Variants in GRID2 observed in about 807,000 individuals in gnomAD.
GRID2 encodes the protein glutamate ionotropic receptor delta type subunit 2, also known as glutamate receptor ionotropic, delta-2.
Under a neutral mutation model 114.8 loss-of-function variants are expected in GRID2, and 33 were observed. The ratio of observed to expected loss-of-function variants is 0.29; its 90% CI spans 0.22 to 0.38. The LOEUF is 0.38. Ranked by LOEUF, GRID2 falls within the 10% of genes least tolerant of loss-of-function variation. GRID2 has a pLI of 1.00. For synonymous variants in GRID2, 505 were observed against 449.9 expected (o/e 1.12, Z -1.55); for missense variants, 1,184 against 1,257.7 (o/e 0.94, Z 0.89).
At chr4:92,547,814 G>A (rs1351105148) in intron 1 of GRID2, among the ~76,000 whole-genome samples, 2 of 151,936 alleles carry the variant, frequency 1.3e-5, no homozygotes, top group Non-Finnish European at 2.9e-5. Flanking sequence ...AAACCTCAAT[G>A]GAAGCAACTG....
chr4:92,653,341 GTGTGTGTT>G (rs895699082), intron 2 of GRID2, among the ~76,000 whole-genome samples: 6 of 150,538 alleles, frequency 4.0e-5, no homozygotes, highest in East Asian at 4.0e-4. Context: ...GTGTGTGTGT[GTGTGTGTT>G]TGTGTGTTTG....
intron 3 of GRID2, among the ~76,000 whole-genome samples, chr4:93,105,576 C>CTATA (rs912061565): frequency 6.6e-6 from 1 of 152,128 alleles, no homozygotes; most frequent in African/African-American, 2.4e-5. Flanking sequence ...TCTCAGTGGG[C>CTATA]TATAATCAGT....
intron 4 of GRID2, among the ~76,000 whole-genome samples, chr4:93,170,494 G>A (rs1738699671): frequency 6.6e-6 from 1 of 152,130 alleles, no homozygotes; most frequent in African/African-American, 2.4e-5. Flanking sequence ...ATCCGGATGT[G>A]TGTTTCATTC....
intron 14 of GRID2, among the ~76,000 whole-genome samples, chr4:93,744,150 T>C (rs1192874131): frequency 6.6e-6 from 1 of 152,208 alleles, no homozygotes; most frequent in African/African-American, 2.4e-5. Context: ...TCATTGGCAA[T>C]GCACCTGGTC....
chr4:92,816,093 A>C (rs1299126072), intron 2 of GRID2, among the ~76,000 whole-genome samples: 1 of 151,638 alleles, frequency 6.6e-6, no homozygotes, highest in Non-Finnish European at 1.5e-5. Flanking sequence ...AGGCAGGTGG[A>C]TCACCTGAGG....
At chr4:92,818,757 G>A (rs1223357760) in intron 2 of GRID2, among the ~76,000 whole-genome samples, 1 of 152,048 alleles carries the variant, frequency 6.6e-6, no homozygotes, top group Non-Finnish European at 1.5e-5. Context: ...AGGCAAACAT[G>A]AAGTTTATAT....
At chr4:93,170,627 A>G (rs1424762862) in intron 4 of GRID2, among the ~76,000 whole-genome samples, 1 of 151,986 alleles carries the variant, frequency 6.6e-6, no homozygotes, top group Non-Finnish European at 1.5e-5. Context: ...TATACATCAA[A>G]CTCTAATGTC....
chr4:93,525,607 A>C (rs1201300579), intron 13 of GRID2, among the ~76,000 whole-genome samples: 1 of 152,214 alleles, frequency 6.6e-6, no homozygotes, highest in Non-Finnish European at 1.5e-5. Context: ...AAATTGTGGA[A>C]ACAGAATTTA....
At chr4:93,432,603 G>A (rs905964938) in intron 10 of GRID2, among the ~76,000 whole-genome samples, 1 of 152,166 alleles carries the variant, frequency 6.6e-6, no homozygotes, top group Non-Finnish European at 1.5e-5. Flanking sequence ...GAGTGAGGGA[G>A]GGAGGGATGA....
chr4:92,463,890 A>C (rs908274863), intron 1 of GRID2, among the ~76,000 whole-genome samples: 1 of 151,888 alleles, frequency 6.6e-6, no homozygotes, highest in African/African-American at 2.4e-5. Context: ...TATCTTGAGA[A>C]TCTTATCTTC....
At chr4:93,341,161 A>C (rs375159052) in intron 8 of GRID2, among the ~76,000 whole-genome samples, 1 of 152,308 alleles carries the variant, frequency 6.6e-6, no homozygotes, top group African/African-American at 2.4e-5. Flanking sequence ...AAGGCATAAC[A>C]TATATAATTT....
rs561594365 is a variant in GRID2, at chr4:92,466,945, C to T, written c.89-123186C>T. ...GGAAAGTAGTTTTTGCCTTATTCCT[C>T]GAATTAACGGTGTAGAGAGACTCAA... On this transcript the variant is annotated intron_variant, in intron 1 of 15. Transcript: ENST00000282020. Among the ~76,000 whole-genome samples, 27 of 151,644 alleles carry T rather than the reference C, an allele frequency of 1.8e-4. No homozygotes were observed. The South Asian group carries it at 5.0e-3, about 28-fold the overall frequency.
At chr4:93,669,631 C>T (rs1455434261) in intron 14 of GRID2, among the ~76,000 whole-genome samples, 1 of 151,982 alleles carries the variant, frequency 6.6e-6, no homozygotes, top group Non-Finnish European at 1.5e-5. Context: ...TATGTGTCTC[C>T]CCATTCCCTT....
At chr4:93,418,490 A>T (rs997099011) in intron 9 of GRID2, among the ~76,000 whole-genome samples, 2 of 152,090 alleles carry the variant, frequency 1.3e-5, no homozygotes, top group Non-Finnish European at 2.9e-5. Flanking sequence ...TTAAAAAAGC[A>T]TTGCCCTTCA....
intron 2 of GRID2, among the ~76,000 whole-genome samples, chr4:93,006,587 G>A (rs915404076): frequency 6.8e-6 from 1 of 147,190 alleles, no homozygotes; most frequent in Non-Finnish European, 1.5e-5. Flanking sequence ...AAAATTAAAG[G>A]CCCTACTGAA....
intron 11 of GRID2, among the ~76,000 whole-genome samples, chr4:93,457,722 T>C (rs1360566675): frequency 1.3e-5 from 2 of 151,980 alleles, no homozygotes; most frequent in Admixed American, 6.6e-5. Context: ...TGGGGGTCAG[T>C]ACTGAAGAAA....
chr4:93,599,821 T>C (rs1390038174), intron 13 of GRID2, among the ~76,000 whole-genome samples: 3 of 152,160 alleles, frequency 2.0e-5, no homozygotes, highest in African/African-American at 7.2e-5. Flanking sequence ...AAGAATAAAG[T>C]TGCAGTTTTA....
chr4:92,730,565 A>C (rs1373983035), intron 2 of GRID2, among the ~76,000 whole-genome samples: 1 of 152,000 alleles, frequency 6.6e-6, no homozygotes, highest in Non-Finnish European at 1.5e-5. Flanking sequence ...GCTTTGAAAT[A>C]TATTTAAAGC....
At chr4:93,437,688 A>G (rs973252670) in intron 10 of GRID2, among the ~76,000 whole-genome samples, 2 of 152,126 alleles carry the variant, frequency 1.3e-5, no homozygotes, top group African/African-American at 4.8e-5. Context: ...TATACTGTAC[A>G]GTCTATATCT....
Sources: allele counts gnomAD v4.1 joint callset (sites outside exome capture counted in the v4.1 genomes callset), GRCh38; gene constraint gnomAD v4.1.1; transcripts MANE v1.5; gene names NCBI Gene and HGNC (gene_info 2026-07-23, HGNC 2026-07-21).